The following MACROD2 variants were observed in gnomAD, a reference collection of about 807,000 sequenced individuals.
MACROD2 encodes the protein ADP-ribose glycohydrolase MACROD2.
In MACROD2, 36 loss-of-function variants were observed where a neutral mutation model predicts 70.4. That is an observed-to-expected ratio of 0.51 (90% CI 0.39 to 0.68). MACROD2 has a LOEUF of 0.68. Ranked by LOEUF, MACROD2 falls within the 30% of genes least tolerant of loss-of-function variation. The probability of loss-of-function intolerance (pLI) is 0.00; values close to 1 mark genes in which losing one functional copy is unlikely to be tolerated. For synonymous variants in MACROD2, 172 were observed against 178.8 expected (o/e 0.96, Z 0.30); for missense variants, 496 against 538.4 (o/e 0.92, Z 0.78).
At chr20:15,664,791 T>C (rs2049875021) in intron 8 of MACROD2, among the ~76,000 whole-genome samples, 1 of 152,118 alleles carries the variant, frequency 6.6e-6, no homozygotes, top group Admixed American at 6.6e-5. Context: ...TCATGTCAGC[T>C]ATCATCCCAG....
At chr20:15,094,267 C>T (rs946178294) in intron 5 of MACROD2, among the ~76,000 whole-genome samples, 1 of 152,034 alleles carries the variant, frequency 6.6e-6, no homozygotes, top group Non-Finnish European at 1.5e-5. Flanking sequence ...CTTATTTGCT[C>T]ACTTTGCATA....
intron 5 of MACROD2, among the ~76,000 whole-genome samples, chr20:14,774,309 G>T (rs532117112): frequency 1.9e-3 from 283 of 152,028 alleles, no homozygotes; most frequent in Non-Finnish European, 2.8e-3. Context: ...TTAGAAATTT[G>T]CCAACAGGTG....
chr20:15,176,870 T>G (rs1488163256), intron 5 of MACROD2, among the ~76,000 whole-genome samples: 1 of 152,138 alleles, frequency 6.6e-6, no homozygotes, highest in African/African-American at 2.4e-5. Context: ...TGTGACACCC[T>G]CTTTGGGGCT....
At chr20:14,830,045 T>G (rs1006019221) in intron 5 of MACROD2, among the ~76,000 whole-genome samples, 7 of 152,176 alleles carry the variant, frequency 4.6e-5, no homozygotes, top group Non-Finnish European at 7.4e-5. Context: ...TTTGGTTTCT[T>G]TATCCAAAGA....
chr20:15,929,177 G>A (rs1244099745), intron 10 of MACROD2, among the ~76,000 whole-genome samples: 1 of 152,122 alleles, frequency 6.6e-6, no homozygotes, highest in Non-Finnish European at 1.5e-5. Flanking sequence ...GCTTGGGCTT[G>A]GTTCCAGACT....
chr20:14,962,486 G>A (rs2074592598), intron 5 of MACROD2, among the ~76,000 whole-genome samples: 1 of 149,186 alleles, frequency 6.7e-6, no homozygotes, highest in African/African-American at 2.5e-5. Context: ...AGTTATGTTT[G>A]TTTTGTTTCT....
chr20:14,747,965 A>G (rs1170224471), intron 5 of MACROD2, among the ~76,000 whole-genome samples: 1 of 152,096 alleles, frequency 6.6e-6, no homozygotes, highest in Non-Finnish European at 1.5e-5. Context: ...GAATTGTCTC[A>G]GGAGGAAAGG....
At chr20:16,016,543 GT>G (rs1223093791) in intron 15 of MACROD2, among the ~76,000 whole-genome samples, 11 of 152,068 alleles carry the variant, frequency 7.2e-5, no homozygotes, top group Non-Finnish European at 1.6e-4. Context: ...AAAATGAGGG[GT>G]TTTTTTGTTT....
chr20:15,728,898 A>C (rs2050903122), intron 8 of MACROD2, among the ~76,000 whole-genome samples: 1 of 151,496 alleles, frequency 6.6e-6, no homozygotes, highest in Non-Finnish European at 1.5e-5. Flanking sequence ...TTCAATTCTG[A>C]TTTTGGTTAT....
At chr20:15,543,660 T>C (rs183533044) in intron 8 of MACROD2, among the ~76,000 whole-genome samples, 202 of 152,254 alleles carry the variant, frequency 1.3e-3, no homozygotes, top group African/African-American at 4.6e-3. Context: ...CTTAAAACAG[T>C]AAGCACTTGC....
At chr20:14,524,639 C>T (rs893823404) in intron 4 of MACROD2, among the ~76,000 whole-genome samples, 1 of 152,164 alleles carries the variant, frequency 6.6e-6, no homozygotes, top group East Asian at 1.9e-4. Context: ...GATGCTCATG[C>T]TCTTGTCCCC....
intron 3 of MACROD2, among the ~76,000 whole-genome samples, chr20:14,444,847 A>ATG (rs920744812): frequency 1.7e-4 from 25 of 151,514 alleles, no homozygotes; most frequent in Middle Eastern, 3.4e-3. Context: ...ATATATATAT[A>ATG]TGTGTGTGTG....
rs537357395 is a variant in MACROD2, at chr20:14,100,012, G to A, written c.271+14284G>A. ...TCATATGGCCAAGGATAAGAAGATG[G>A]GGTTGTTTTATGTAGTTCCTATTGA... On this transcript the variant is annotated intron_variant, in intron 3 of 17. Coordinates refer to ENST00000684519, the MANE Select transcript of MACROD2 (RefSeq NM_001351661.2). Among the ~76,000 whole-genome samples the A allele has an allele frequency of 5.9e-5, 9 of 152,006 alleles. No individual in the cohort carries two copies. The East Asian group carries it at 1.5e-3, about 26-fold the overall frequency.
At chr20:15,588,613 T>G (rs1230597880) in intron 8 of MACROD2, among the ~76,000 whole-genome samples, 1 of 152,206 alleles carries the variant, frequency 6.6e-6, no homozygotes, top group Non-Finnish European at 1.5e-5. Context: ...CCTAGAAATT[T>G]CTTCTGCCAG....
chr20:15,178,991 TG>T (rs1346925674), intron 5 of MACROD2, among the ~76,000 whole-genome samples: 15 of 152,142 alleles, frequency 9.9e-5, no homozygotes, highest in African/African-American at 3.6e-4. Flanking sequence ...GAGGCAGACA[TG>T]GTGTGGTTAC....
intron 8 of MACROD2, among the ~76,000 whole-genome samples, chr20:15,597,770 A>G (rs538836703): frequency 2.3e-3 from 344 of 152,314 alleles, no homozygotes; most frequent in Non-Finnish European, 3.6e-3. Flanking sequence ...AGTAGAAACA[A>G]AAGTTAATAG....
intron 8 of MACROD2, among the ~76,000 whole-genome samples, chr20:15,611,113 G>C (rs994289964): frequency 7.0e-6 from 1 of 143,044 alleles, no homozygotes; most frequent in South Asian, 2.2e-4. Context: ...ATGTCAGTCT[G>C]TACAGCTAAG....
chr20:15,042,612 T>C (rs1568545801), intron 5 of MACROD2, among the ~76,000 whole-genome samples: 1 of 152,194 alleles, frequency 6.6e-6, no homozygotes. Context: ...CATCTCAGGA[T>C]AGGTATCTTT....
intron 6 of MACROD2, among the ~76,000 whole-genome samples, chr20:15,405,119 G>A (rs2045982100): frequency 6.6e-6 from 1 of 152,126 alleles, no homozygotes; most frequent in African/African-American, 2.4e-5. Flanking sequence ...GTGGTTGTCA[G>A]AGGATAAGGG....
Sources: allele counts gnomAD v4.1 joint callset (sites outside exome capture counted in the v4.1 genomes callset), GRCh38; gene constraint gnomAD v4.1.1; transcripts MANE v1.5; gene names NCBI Gene and HGNC (gene_info 2026-07-23, HGNC 2026-07-21).